The following ERBB4 variants were observed in gnomAD, a reference collection of about 807,000 sequenced individuals.
ERBB4 encodes the protein erb-b2 receptor tyrosine kinase 4, also known as receptor tyrosine-protein kinase erbB-4.
In ERBB4, 42 loss-of-function variants were observed where a neutral mutation model predicts 158.0. That is an observed-to-expected ratio of 0.27 (90% CI 0.21 to 0.34). ERBB4 has a LOEUF of 0.34. Among genes scored for constraint, ERBB4 ranks in the 10% least tolerant of loss-of-function variants. The pLI, the probability that ERBB4 is intolerant of heterozygous loss-of-function variation, is 1.00. For synonymous variants in ERBB4, 583 were observed against 558.7 expected, an observed-to-expected ratio of 1.04 and a Z score of -0.61; for missense variants, 1,333 against 1,624.1, an observed-to-expected ratio of 0.82 and a Z score of 3.08.
At chr2:211,759,281 G>A (rs2075353813) in intron 4 of ERBB4, among the ~76,000 whole-genome samples, 1 of 152,098 alleles carries the variant, frequency 6.6e-6, no homozygotes, top group Admixed American at 6.5e-5. Flanking sequence ...TTGGATTAAT[G>A]CAATAACCTC....
At chr2:211,786,169 C>T (rs1443087088) in intron 4 of ERBB4, among the ~76,000 whole-genome samples, 1 of 152,096 alleles carries the variant, frequency 6.6e-6, no homozygotes, top group Non-Finnish European at 1.5e-5. Flanking sequence ...AAATTTTTAA[C>T]TTGGTTGAGT....
chr2:212,285,636 A>C (rs1209698042), intron 1 of ERBB4, among the ~76,000 whole-genome samples: 1 of 152,198 alleles, frequency 6.6e-6, no homozygotes, highest in East Asian at 1.9e-4. Flanking sequence ...ATTATGACAA[A>C]TATATGGAAT....
intron 4 of ERBB4, among the ~76,000 whole-genome samples, chr2:211,785,810 G>A (rs2076148313): frequency 1.3e-5 from 2 of 151,980 alleles, no homozygotes; most frequent in South Asian, 4.1e-4. Flanking sequence ...TAAGCATTTT[G>A]ATAAATGTAT....
chr2:211,528,221 CA>C (rs948666388), intron 20 of ERBB4, among the ~76,000 whole-genome samples: 9 of 151,780 alleles, frequency 5.9e-5, no homozygotes, highest in African/African-American at 9.7e-5. Context: ...TTATATCAGA[CA>C]AAATAGATTT....
At chr2:211,828,582 C>T (rs1238848470) in intron 3 of ERBB4, among the ~76,000 whole-genome samples, 1 of 152,104 alleles carries the variant, frequency 6.6e-6, no homozygotes, top group Non-Finnish European at 1.5e-5. Context: ...TTTTTTGTCA[C>T]TGTTGCTACT....
chr2:212,245,876 A>G (rs2084289274), intron 1 of ERBB4, among the ~76,000 whole-genome samples: 1 of 152,054 alleles, frequency 6.6e-6, no homozygotes, highest in African/African-American at 2.4e-5. Context: ...ACTATTTACA[A>G]AAGGGAGATG....
chr2:211,718,739 A>C (rs981553348), intron 7 of ERBB4, among the ~76,000 whole-genome samples: 3 of 151,962 alleles, frequency 2.0e-5, no homozygotes, highest in African/African-American at 7.3e-5. Flanking sequence ...AAAAAAAAAA[A>C]CATGGTATAC....
rs1239361918 is a variant in ERBB4 at position 211,422,023 on chromosome 2, C to A, written c.2948G>T (p.Arg983Ile). ...TGTACTCACCTGAATAACTAGGTATCTTTGAGGGTCTCGAGCCATCCTTGA... is the reference window on the plus strand; with the variant it reads ...TGTACTCACCTGAATAACTAGGTATATTTGAGGGTCTCGAGCCATCCTTGA... ...EFSRMARDPQ[R>I]YLVIQGDDRM... The change falls in exon 24 of 28, where the codon AGA becomes ATA. Residue 983 changes from arginine (R) to isoleucine (I), a missense_variant. By Grantham distance (97) the Arg-to-Ile change is moderately conservative. Transcript: ENST00000342788. The A allele has an allele frequency of 2.5e-6, 4 of 1,609,026 alleles. No individual in the cohort carries two copies. Among genetic ancestry groups the A allele is most frequent in the Non-Finnish European group, 3.4e-6 (4 of 1,175,764 alleles).
intron 4 of ERBB4, among the ~76,000 whole-genome samples, chr2:211,763,605 G>A (rs547110110): frequency 6.6e-6 from 1 of 151,990 alleles, no homozygotes; most frequent in Non-Finnish European, 1.5e-5. Flanking sequence ...TTATAATTAT[G>A]GCTGGGGCCA....
At chr2:211,861,137 T>A (rs1178639667) in intron 3 of ERBB4, among the ~76,000 whole-genome samples, 3 of 30,392 alleles carry the variant, frequency 9.9e-5, no homozygotes, top group Admixed American at 4.9e-4. Flanking sequence ...TATATATATA[T>A]ATATATATAT....
chr2:212,413,089 T>C (rs1015242110), intron 1 of ERBB4, among the ~76,000 whole-genome samples: 1 of 150,708 alleles, frequency 6.6e-6, no homozygotes, highest in Non-Finnish European at 1.5e-5. Context: ...TGCCTCAGCC[T>C]CCTGAGTAGC....
At chr2:211,428,106 G>T (rs1236654889) in intron 22 of ERBB4, among the ~76,000 whole-genome samples, 2 of 151,952 alleles carry the variant, frequency 1.3e-5, no homozygotes, top group Admixed American at 6.6e-5. Flanking sequence ...CCTAATGCAT[G>T]CAGGGCTTAA....
intron 4 of ERBB4, among the ~76,000 whole-genome samples, chr2:211,773,363 ACTT>A (rs1575125161): frequency 1.3e-5 from 2 of 151,594 alleles, no homozygotes; most frequent in East Asian, 3.9e-4. Flanking sequence ...ATAAATGTTT[ACTT>A]TTTATGTACT....
At chr2:211,484,157 C>T (rs572868706) in intron 20 of ERBB4, among the ~76,000 whole-genome samples, 3 of 151,804 alleles carry the variant, frequency 2.0e-5, no homozygotes, top group African/African-American at 7.2e-5. Flanking sequence ...AATAAAGCAA[C>T]AAAGAGTTAT....
intron 1 of ERBB4, among the ~76,000 whole-genome samples, chr2:212,293,995 C>G (rs776047042): frequency 6.6e-6 from 1 of 151,340 alleles, no homozygotes; most frequent in Non-Finnish European, 1.5e-5. Flanking sequence ...CTTAGAAAAT[C>G]AGAATCAGAA....
At chr2:211,551,006 T>C (rs2067080400) in intron 20 of ERBB4, among the ~76,000 whole-genome samples, 1 of 151,388 alleles carries the variant, frequency 6.6e-6, no homozygotes, top group Non-Finnish European at 1.5e-5. Context: ...AGTGGTGCAA[T>C]CACACAGCTC....
intron 1 of ERBB4, among the ~76,000 whole-genome samples, chr2:212,180,466 CT>C (rs2081823836): frequency 6.6e-6 from 1 of 151,642 alleles, no homozygotes. Flanking sequence ...TCCAGTTTAG[CT>C]GTAAGCTAAC....
chr2:211,610,949 C>T (rs2069170495), intron 19 of ERBB4, among the ~76,000 whole-genome samples: 1 of 152,010 alleles, frequency 6.6e-6, no homozygotes, highest in Non-Finnish European at 1.5e-5. Context: ...CTTTTAGGTA[C>T]TTCAATGGAG....
chr2:211,773,619 T>TTATATATATATATATA (rs2075778982), intron 4 of ERBB4, among the ~76,000 whole-genome samples: 2 of 58,052 alleles, frequency 3.4e-5, no homozygotes, highest in African/African-American at 1.7e-4. Flanking sequence ...TATATATATA[T>TTATATATATATATATA]ATATATATAT....
Sources: allele counts gnomAD v4.1 joint callset (sites outside exome capture counted in the v4.1 genomes callset), GRCh38; gene constraint gnomAD v4.1.1; transcripts MANE v1.5; gene names NCBI Gene and HGNC (gene_info 2026-07-23, HGNC 2026-07-21).